Variants in COL7A1 observed in about 807,000 individuals in gnomAD.
The protein encoded by COL7A1 is collagen type VII alpha 1 chain, also known as collagen alpha-1(VII) chain.
A neutral mutation model predicts 456.2 loss-of-function variants in COL7A1; 296 were observed. The ratio of observed to expected loss-of-function variants is 0.65; its 90% confidence interval spans 0.59 to 0.71. The LOEUF (loss-of-function observed/expected upper bound fraction) is 0.71. Ranked by LOEUF, COL7A1 falls within the 30% of genes least tolerant of loss-of-function variation. The probability of loss-of-function intolerance (pLI) is 0.00; values close to 1 mark genes in which losing one functional copy is unlikely to be tolerated. For synonymous variants in COL7A1, 1,464 were observed against 1,525.9 expected (o/e 0.96, Z 0.95); for missense variants, 3,441 against 4,017.2 (o/e 0.86, Z 3.88).
Position 48,579,874 on chromosome 3 carries a change from G to T in COL7A1, c.5125-60C>A. 6.2e-7 allele frequency: 1 copy of T among 1,612,954 alleles called. No individual in the cohort carries two copies. Among genetic ancestry groups the T allele is most frequent in the Non-Finnish European group, 8.5e-7 (1 of 1,179,076 alleles). On this transcript the variant is annotated intron_variant, in intron 57 of 118. Transcript: ENST00000681320. The surrounding 1 kb of genome is among the most constrained non-coding windows in gnomAD (Gnocchi z 4.4). ...AACAAGGGGAAGAGGAGTTGGCGAG[G>T]GGATACAGGGTCTGTGAGGGGCTCC...
rs1342406671 is a variant in COL7A1 at position 48,571,117 on chromosome 3, C to G, written c.7148G>C (p.Gly2383Ala). Residue 2383 changes from glycine to alanine, a missense_variant, in exon 94 of 119, where the codon GGC becomes GCC. Gly to Ala is a moderately conservative substitution (Grantham distance 60, BLOSUM62 0). Coordinates refer to ENST00000681320, the MANE Select transcript of COL7A1 (RefSeq NM_000094.4). The surrounding 1 kb of genome is among the most constrained non-coding windows in gnomAD (Gnocchi z 4.6). ...VGVPGSPGPP[G>A]PPGVKGDLGL... ...TTGACTTACCTTCACACCTGGAGGGCCAGGAGGCCCAGGGGAGCCCGGGAC... is the reference window on the plus strand; with the variant it reads ...TTGACTTACCTTCACACCTGGAGGGGCAGGAGGCCCAGGGGAGCCCGGGAC... The G allele has an allele frequency of 1.2e-6, 2 of 1,613,918 alleles. No homozygotes were observed. Among genetic ancestry groups the G allele is most frequent in the African/African-American group, 2.7e-5 (2 of 74,924 alleles).
In COL7A1 at chr3:48,586,623, C is replaced by T; in HGVS notation, c.3343G>A (p.Gly1115Ser). ...LFPLNGSHDL[G>S]IILQRIRDMP... ...TCACGGATCCTTTGCAAGATAATGC[C>T]AAGGTCATGGGAGCCATTCAGTGGG... Residue 1115 changes from glycine to serine, a missense_variant, in exon 26 of 119, where the codon GGC (glycine) becomes AGC (serine). By Grantham distance (56) the Gly-to-Ser change is moderately conservative. Transcript: ENST00000681320. This position sits in a 1 kb window ranked among gnomAD's most constrained non-coding sequence, Gnocchi z 5.1. 1 of 1,613,624 alleles carries T rather than the reference C, an allele frequency of 6.2e-7. No homozygotes were observed. The highest frequency in any genetic ancestry group is 8.5e-7 in the Non-Finnish European group (1 of 1,180,012).
Position 48,568,294 on chromosome 3 carries a change from G to T in COL7A1, c.7795-124C>A. 1 of 1,202,508 alleles carries T rather than the reference G, an allele frequency of 8.3e-7. No homozygotes were observed. Among genetic ancestry groups the T allele is most frequent in the Non-Finnish European group, 1.2e-6 (1 of 824,200 alleles). The allele number at this position is 1,202,508 out of a possible 1,614,324, so 74.5% of individuals were successfully genotyped here. On this transcript the variant is annotated intron_variant, in intron 105 of 118. Transcript: ENST00000681320. This position sits in a 1 kb window ranked among gnomAD's most constrained non-coding sequence, Gnocchi z 5.2. ...CACCTCTGGAGGCCAGAGCCACTGG[G>T]GCTTGCCATGGGGACAAGGGTCACC...
rs765974658 is a variant in COL7A1 at position 48,569,810 on chromosome 3, C to A, written c.7522-50G>T. 3.1e-6 allele frequency: 5 copies of A among 1,614,020 alleles called. No individual in the cohort carries two copies. The South Asian group carries it at 5.5e-5, about 18-fold the overall frequency. On this transcript the variant is annotated intron_variant, in intron 100 of 118. Transcript: ENST00000681320. The surrounding 1 kb of genome is among the most constrained non-coding windows in gnomAD (Gnocchi z 4.9). The stretch of plus-strand genomic sequence containing the variant: ...CCGCCCAAACTGGGGAGGCCCCGCA[C>A]CTGAATTCTAATATCATACAAGATC...
At position 48,588,926 on chromosome 3, in the gene COL7A1, G is replaced by A. The variant is rs1338660252; in HGVS notation, c.2384C>T (p.Thr795Ile). The A allele has an allele frequency of 6.2e-6, 10 of 1,613,550 alleles. No homozygotes were observed. Among genetic ancestry groups the A allele is most frequent in the Middle Eastern group, 1.6e-4 (1 of 6,084 alleles). Reference sequence around the variant, plus strand: ...TGTGGCTCCAGTGACCCCTACCCAGGTGATCCGTAGAACGTCGCTGGAAGC... The same window carrying A: ...TGTGGCTCCAGTGACCCCTACCCAGATGATCCGTAGAACGTCGCTGGAAGC... Reference protein sequence around the residue: ...LNASSDVLRITWVGVTGATAY... With the variant: ...LNASSDVLRIIWVGVTGATAY... The change falls in exon 19 of 119, where the codon ACC becomes ATC. Residue 795 changes from threonine (T) to isoleucine (I), a missense_variant. Physicochemically the swap from Thr to Ile is moderately conservative, Grantham distance 89. This residue lies in a region of COL7A1 where 913 missense variants were observed against 1,088.2 expected (regional missense o/e 0.84). Transcript: ENST00000681320. This position sits in a 1 kb window ranked among gnomAD's most constrained non-coding sequence, Gnocchi z 4.6.
In COL7A1 at chr3:48,565,094, G is replaced by A. The variant is rs1001325189; in HGVS notation, c.8620+15C>T. The A allele has an allele frequency of 6.2e-7, 1 of 1,613,000 alleles. No homozygotes were observed. ...TGCCCCTCCCCAGACCCCGCTGGCAGCCCCCCATTCTCACCATCACTATCC... is the reference window on the plus strand; with the variant it reads ...TGCCCCTCCCCAGACCCCGCTGGCAACCCCCCATTCTCACCATCACTATCC... On this transcript the variant is annotated intron_variant, in intron 117 of 118. Transcript: ENST00000681320. The surrounding 1 kb of genome is among the most constrained non-coding windows in gnomAD (Gnocchi z 4.5).
chr3:48,578,209 C>T lies in COL7A1; in HGVS notation c.5532+112G>A. ...TTCTGGATGCATCTGTATGTCTGGG[C>T]CAGGATGCATGTGTCTACACGTGTG... On this transcript the variant is annotated intron_variant, in intron 65 of 118. Transcript: ENST00000681320. The surrounding 1 kb of genome is among the most constrained non-coding windows in gnomAD (Gnocchi z 4.7). The T allele has an allele frequency of 8.1e-7, 1 of 1,232,430 alleles. No homozygotes were observed. The highest frequency in any genetic ancestry group is 1.2e-6 in the Non-Finnish European group (1 of 849,942). The allele number at this position is 1,232,430 out of a possible 1,614,324, so 76.3% of individuals were successfully genotyped here.
At chr3:48,584,889 A>G in intron 34 of COL7A1, 21 bp downstream of exon 34, 2 of 1,614,028 alleles carry the variant, frequency 1.2e-6, no homozygotes, top group Non-Finnish European at 1.7e-6. Context: ...CTTAGAGAGC[A>G]AAGAAGGGAA....
At position 48,591,951 on chromosome 3, in the gene COL7A1, C is replaced by T. The variant is rs375539799; in HGVS notation, c.1304G>A (p.Trp435Ter). ...GCCACGGGCCTCAGGCACCAAGTTCCAGGAAAGGAGGATGGATGTGGGGCC... is the reference window on the plus strand; with the variant it reads ...GCCACGGGCCTCAGGCACCAAGTTCTAGGAAAGGAGGATGGATGTGGGGCC... ...ILGPTSILLSWNLVPEARGYR... is the reference protein window; with the variant it reads ...ILGPTSILLS Residue 435 changes from tryptophan (W) to a stop codon, truncating the protein, a stop_gained, in exon 11 of 119, where the codon TGG (tryptophan) becomes TAG (stop). Coordinates refer to ENST00000681320, the MANE Select transcript of COL7A1 (RefSeq NM_000094.4). LOFTEE classifies it high-confidence loss of function. This position sits in a 1 kb window ranked among gnomAD's most constrained non-coding sequence, Gnocchi z 7.0. The T allele has an allele frequency of 6.2e-7, 1 of 1,614,084 alleles. No individual in the cohort carries two copies. The highest frequency in any genetic ancestry group is 8.5e-7 in the Non-Finnish European group (1 of 1,180,048).
rs753523507 is a variant in COL7A1 at position 48,575,581 on chromosome 3, C to T, written c.5980-42G>A. On this transcript the variant is annotated intron_variant, in intron 73 of 118. Coordinates refer to ENST00000681320, the MANE Select transcript of COL7A1 (RefSeq NM_000094.4). The surrounding 1 kb of genome is among the most constrained non-coding windows in gnomAD (Gnocchi z 6.3). ...GAGAATGCTGGTGGCTGTACAGCTA[C>T]ACCCCACTCCACGGGGCACAACCCA... The T allele has an allele frequency of 1.7e-5, 27 of 1,612,432 alleles. No homozygotes were observed. Among genetic ancestry groups the T allele is most frequent in the East Asian group, 2.2e-5 (1 of 44,884 alleles).
Position 48,571,545 on chromosome 3 carries a change from A to T in COL7A1, c.7069-267T>A. On this transcript the variant is annotated intron_variant, in intron 92 of 118. Transcript: ENST00000681320. The surrounding 1 kb of genome is among the most constrained non-coding windows in gnomAD (Gnocchi z 4.6). ...ACAGGGAGCCCACACGCGAGTGCAG[A>T]CATCTGGCTCCACAGACGTGAGTGC... is the stretch of plus-strand genomic sequence containing the variant. The T allele has an allele frequency of 1.4e-6, 1 of 694,866 alleles. No individual in the cohort carries two copies. Among genetic ancestry groups the T allele is most frequent in the Non-Finnish European group, 2.7e-6 (1 of 371,258 alleles). 43.0% of individuals were successfully genotyped at this position (694,866 alleles called of 1,614,324 possible). A position where few individuals can be genotyped will look rare whatever the true frequency, so the allele number is the denominator to read the frequency against.
rs1433575740 is a variant in COL7A1 at position 48,572,575 on chromosome 3, C to T, written c.6901-37G>A. ...GCTAGTGAGTTTCCTCCTCCTCCCC[C>T]GCCCCCACCCTGCCACCCCCATGGC... On this transcript the variant is annotated intron_variant, in intron 88 of 118. Transcript: ENST00000681320. This position sits in a 1 kb window ranked among gnomAD's most constrained non-coding sequence, Gnocchi z 4.6. 2.0e-5 allele frequency: 32 copies of T among 1,611,442 alleles called. No homozygotes were observed. Among genetic ancestry groups the T allele is most frequent in the Non-Finnish European group, 2.4e-5 (28 of 1,178,794 alleles).
chr3:48,570,457 C>T lies in COL7A1; in HGVS notation c.7380+8G>A, dbSNP rs560853464. ...CAAGAGAGAGTCAGCAGCACTTGTC[C>T]CACCTACCTTGTCTCCTTTGAGTCC... On this transcript the variant is annotated splice_region_variant and intron_variant, in intron 97 of 118. Transcript: ENST00000681320. The surrounding 1 kb of genome is among the most constrained non-coding windows in gnomAD (Gnocchi z 5.5). The T allele has an allele frequency of 8.2e-5, 132 of 1,613,898 alleles. No homozygotes were observed. Among genetic ancestry groups the T allele is most frequent in the Admixed American group, 1.2e-4 (7 of 59,996 alleles).
intron 44 of COL7A1, 46 bp from the exon 45 acceptor site, chr3:48,582,699 G>A (rs759505073): frequency 6.9e-6 from 11 of 1,604,146 alleles, no homozygotes; most frequent in Non-Finnish European, 8.5e-6. Context: ...TGGGGACGGG[G>A]GATATGGACA....
intron 2 of COL7A1, 59 bp downstream of exon 2, chr3:48,595,016 T>A: frequency 1.5e-6 from 2 of 1,378,088 alleles, no homozygotes; most frequent in Non-Finnish European, 2.0e-6. Flanking sequence ...GAAGGCCGAG[T>A]GGAGCGGAGG....
chr3:48,583,030 C>T lies in COL7A1; in HGVS notation c.4501G>A (p.Gly1501Ser). Reference protein sequence around the residue: ...AGEKGERGPPGPAGSRGLPGV... With the variant: ...AGEKGERGPPSPAGSRGLPGV... ...GGGTTTACCCGGGATCCCGCTGGGC[C>T]TGGGGGTCCACGTTCGCCCTGATGG... Residue 1501 changes from glycine to serine, a missense_variant, in exon 44 of 119, where the codon GGC becomes AGC. By Grantham distance (56) the Gly-to-Ser change is moderately conservative (BLOSUM62 0). This residue lies in a region of COL7A1 where 2,084 missense variants were observed against 2,501.3 expected (regional missense o/e 0.83). Coordinates refer to ENST00000681320, the MANE Select transcript of COL7A1 (RefSeq NM_000094.4). This position sits in a 1 kb window ranked among gnomAD's most constrained non-coding sequence, Gnocchi z 5.1. 1 of 1,614,024 alleles carries T rather than the reference C, an allele frequency of 6.2e-7. No individual in the cohort carries two copies. Among genetic ancestry groups the T allele is most frequent in the Non-Finnish European group, 8.5e-7 (1 of 1,179,984 alleles).
chr3:48,589,362 ACGCCAGCCACATGGGC>A lies in COL7A1; in HGVS notation c.2263_2278del (p.Ala755TrpfsTer10), dbSNP rs1280694889. 1 of 1,612,416 alleles carries A rather than the reference ACGCCAGCCACATGGGC, an allele frequency of 6.2e-7. No homozygotes were observed. ...AACCACAGAGGCAGGGGGCCCATCC[ACGCCAGCCACATGGGC>A]CCTCACATGCACCGTATACTCAGTA... On this transcript the variant is annotated frameshift_variant, in exon 18 of 119. Coordinates refer to ENST00000681320, the MANE Select transcript of COL7A1 (RefSeq NM_000094.4). LOFTEE classifies it high-confidence loss of function.
At position 48,569,881 on chromosome 3, in the gene COL7A1, TTCTCCCCACGC is replaced by T; in HGVS notation, c.7509_7519del (p.Arg2504GlyfsTer2). On this transcript the variant is annotated frameshift_variant and splice_region_variant, in exon 100 of 119. Transcript: ENST00000681320. LOFTEE classifies it high-confidence loss of function. The surrounding 1 kb of genome is among the most constrained non-coding windows in gnomAD (Gnocchi z 4.9). ...CCAGGACCTTCCCCACGTTCCTACC[TTCTCCCCACGC>T]TCTCCCCTGCTGCCAGGGGGCCCCT... is the stretch of plus-strand genomic sequence containing the variant. The T allele has an allele frequency of 6.2e-7, 1 of 1,614,082 alleles. No individual in the cohort carries two copies. The highest frequency in any genetic ancestry group is 8.5e-7 in the Non-Finnish European group (1 of 1,179,988).
At chr3:48,577,918 A>G (rs1276093323) in intron 65 of COL7A1, among the ~76,000 whole-genome samples, 1 of 152,218 alleles carries the variant, frequency 6.6e-6, no homozygotes, top group African/African-American at 2.4e-5. Flanking sequence ...CTGTAATCCC[A>G]GCACTTTAGG....
Sources: gnomAD v4.1 joint callset for allele counts (sites outside exome capture counted in the v4.1 genomes callset) on GRCh38, gnomAD v4.1.1 for gene constraint, gnomAD v4.1.1 regional missense constraint, Gnocchi (gnomAD v3.1) non-coding constraint, MANE v1.5 for transcripts, NCBI Gene and HGNC (gene_info 2026-07-23, HGNC 2026-07-21) for gene names.